Variants in CNTN5 observed in about 807,000 individuals in gnomAD.
CNTN5 encodes the protein contactin-5.
In CNTN5, 77 loss-of-function variants were observed where a neutral mutation model predicts 129.1. That is an observed-to-expected ratio of 0.60 (90% CI 0.50 to 0.72). The LOEUF (loss-of-function observed/expected upper bound fraction) is 0.72, where lower values mean the gene tolerates loss of function less well. Among genes scored for constraint, CNTN5 ranks in the 30% least tolerant of loss-of-function variants. CNTN5 has a pLI of 0.00. For synonymous variants in CNTN5, 509 were observed against 465.6 expected, an observed-to-expected ratio of 1.09 and a Z score of -1.20; for missense variants, 1,478 against 1,328.8, an observed-to-expected ratio of 1.11 and a Z score of -1.75.
At chr11:99,356,108 G>A (rs747105698) in intron 2 of CNTN5, among the ~76,000 whole-genome samples, 4 of 152,046 alleles carry the variant, frequency 2.6e-5, no homozygotes, top group African/African-American at 9.7e-5. Flanking sequence ...TTACAGGTGT[G>A]AGCCACCGCG....
At chr11:99,333,057 A>T (rs1045997627) in intron 2 of CNTN5, among the ~76,000 whole-genome samples, 2 of 152,006 alleles carry the variant, frequency 1.3e-5, no homozygotes, top group African/African-American at 4.8e-5. Flanking sequence ...TGTCCAAAAA[A>T]CTTCCCGGGT....
chr11:99,288,275 A>T (rs1384899941), intron 1 of CNTN5, among the ~76,000 whole-genome samples: 1 of 151,866 alleles, frequency 6.6e-6, no homozygotes, highest in Admixed American at 6.6e-5. Flanking sequence ...TTAGCCAATT[A>T]GGACACTCAC....
intron 2 of CNTN5, among the ~76,000 whole-genome samples, chr11:99,482,628 C>T (rs1176131670): frequency 3.3e-5 from 5 of 151,848 alleles, no homozygotes; most frequent in South Asian, 2.1e-4. Context: ...AAATAAAAAC[C>T]GAAATCGCTT....
chr11:100,029,143 T>G (rs1941576835), intron 9 of CNTN5, among the ~76,000 whole-genome samples: 1 of 147,132 alleles, frequency 6.8e-6, no homozygotes, highest in Non-Finnish European at 1.5e-5. Context: ...ATACATGTGA[T>G]TCAGATATAG....
intron 2 of CNTN5, among the ~76,000 whole-genome samples, chr11:99,336,650 G>C (rs531082805): frequency 4.3e-4 from 66 of 152,114 alleles, no homozygotes; most frequent in African/African-American, 1.6e-3. Flanking sequence ...GACCAGCCTG[G>C]TCATCATGGT....
In CNTN5 at chr11:100,219,704, T is replaced by C. The variant is rs537069813; in HGVS notation, c.1885-4988T>C. Among the ~76,000 whole-genome samples the C allele has an allele frequency of 2.6e-5, 4 of 152,338 alleles. No homozygotes were observed. In the South Asian group the frequency reaches 6.2e-4, roughly 24 times the overall value. The stretch of plus-strand genomic sequence containing the variant: ...GATGTTACAGCCCTATTTACTCATT[T>C]TGAGTCTTCAATGTGTTGTTGGCTA... On this transcript the variant is annotated intron_variant, in intron 15 of 24. Transcript: ENST00000524871.
chr11:99,570,638 G>A (rs1255957840), intron 3 of CNTN5, among the ~76,000 whole-genome samples: 1 of 152,100 alleles, frequency 6.6e-6, no homozygotes, highest in Non-Finnish European at 1.5e-5. Flanking sequence ...AGGTGCTAAG[G>A]CTATAGGAGT....
At position 100,089,119 on chromosome 11, in the gene CNTN5, C is replaced by T. The variant is rs576696070; in HGVS notation, c.1580+14825C>T. Among the ~76,000 whole-genome samples, 7 of 152,154 alleles carry T rather than the reference C, an allele frequency of 4.6e-5. 1 individual carries two copies. In the South Asian group the frequency reaches 1.2e-3, roughly 27 times the overall value. ...ATGTGATTCATATGTTTGTTGAACA[C>T]ATGTATGTCTTCTTTTGAGAAGTGT... On this transcript the variant is annotated intron_variant, in intron 13 of 24. Coordinates refer to ENST00000524871, the MANE Select transcript of CNTN5 (RefSeq NM_014361.4).
At chr11:99,551,267 A>G (rs968933100) in intron 2 of CNTN5, among the ~76,000 whole-genome samples, 14 of 152,210 alleles carry the variant, frequency 9.2e-5, no homozygotes, top group East Asian at 3.8e-4. Context: ...AGAATACAGA[A>G]TTAAATATTA....
intron 3 of CNTN5, among the ~76,000 whole-genome samples, chr11:99,698,000 G>A (rs752958625): frequency 1.8e-4 from 27 of 150,164 alleles, no homozygotes; most frequent in Admixed American, 8.0e-4. Context: ...AACATTAACC[G>A]TTTCGACGAC....
intron 3 of CNTN5, among the ~76,000 whole-genome samples, chr11:99,573,147 T>G (rs552160484): frequency 3.9e-5 from 6 of 152,036 alleles, no homozygotes; most frequent in Non-Finnish European, 8.8e-5. Flanking sequence ...GAAGCTACTC[T>G]GTTTTGGATT....
chr11:99,488,833 A>T (rs1429254853), intron 2 of CNTN5, among the ~76,000 whole-genome samples: 2 of 152,152 alleles, frequency 1.3e-5, no homozygotes, highest in South Asian at 2.1e-4. Flanking sequence ...GTAATTAACA[A>T]AAATGTTTGT....
At chr11:99,273,433 A>G (rs1378441121) in intron 1 of CNTN5, among the ~76,000 whole-genome samples, 1 of 151,810 alleles carries the variant, frequency 6.6e-6, no homozygotes, top group African/African-American at 2.4e-5. Context: ...CTTTATTTGT[A>G]CAGAACCATT....
At chr11:100,058,821 G>A (rs1352364322) in intron 9 of CNTN5, among the ~76,000 whole-genome samples, 1 of 152,142 alleles carries the variant, frequency 6.6e-6, no homozygotes, top group Admixed American at 6.6e-5. Flanking sequence ...AGAGACATAA[G>A]TAAGATACAC....
intron 7 of CNTN5, among the ~76,000 whole-genome samples, chr11:99,954,611 A>T: frequency 6.6e-6 from 1 of 152,326 alleles, no homozygotes; most frequent in Middle Eastern, 3.4e-3. Context: ...ACTAAAAATA[A>T]TTATAGATTT....
At chr11:99,768,972 C>T (rs1181801433) in intron 3 of CNTN5, among the ~76,000 whole-genome samples, 1 of 152,062 alleles carries the variant, frequency 6.6e-6, no homozygotes, top group Admixed American at 6.6e-5. Context: ...TTTCTAATTA[C>T]ATCATTCCTT....
At position 100,285,733 on chromosome 11, in the gene CNTN5, A is replaced by G. The variant is rs531427218; in HGVS notation, c.2315-11892A>G. 7.6e-4 allele frequency among the ~76,000 whole-genome samples: 115 copies of G among 152,316 alleles called. 1 individual carries two copies. In the South Asian group the frequency reaches 0.012, roughly 16 times the overall value. ...AATTATACACATATTTCTGGCCACA[A>G]AAGGAAAAATACTGAGGAGCCAAGA... On this transcript the variant is annotated intron_variant, in intron 18 of 24. Transcript: ENST00000524871.
intron 1 of CNTN5, among the ~76,000 whole-genome samples, chr11:99,258,216 A>G (rs1214013267): frequency 6.6e-6 from 1 of 151,904 alleles, no homozygotes; most frequent in Non-Finnish European, 1.5e-5. Context: ...AACTCATATC[A>G]CGGGGGTTTG....
chr11:100,264,316 C>A (rs1165926244), intron 17 of CNTN5, among the ~76,000 whole-genome samples: 1 of 152,046 alleles, frequency 6.6e-6, no homozygotes, highest in East Asian at 1.9e-4. Flanking sequence ...GTTTGCTGTG[C>A]CTATCAACCT....
Sources: gnomAD v4.1 joint callset for allele counts (sites outside exome capture counted in the v4.1 genomes callset) on GRCh38, gnomAD v4.1.1 for gene constraint, MANE v1.5 for transcripts, NCBI Gene and HGNC (gene_info 2026-07-23, HGNC 2026-07-21) for gene names.